Variants in ACTN2 observed in about 807,000 individuals in gnomAD.
The protein encoded by ACTN2 is actinin alpha 2.
Under a neutral mutation model 113.8 loss-of-function variants are expected in ACTN2, and 39 were observed. The observed-to-expected ratio is 0.34, with a 90% CI of 0.27 to 0.45. The LOEUF (loss-of-function observed/expected upper bound fraction) is 0.45, where lower values mean the gene tolerates loss of function less well. Ranked by LOEUF, ACTN2 falls within the 20% of genes least tolerant of loss-of-function variation. The probability of loss-of-function intolerance (pLI) is 1.00; values close to 1 mark genes in which losing one functional copy is unlikely to be tolerated. For missense variants in ACTN2, 992 were observed against 1,177.9 expected, an observed-to-expected ratio of 0.84 and a Z score of 2.31; for synonymous variants, 429 against 444.1, an observed-to-expected ratio of 0.97 and a Z score of 0.43.
Position 236,764,458 on chromosome 1 carries a change from G to A in ACTN2, c.*1839G>A, listed in dbSNP as rs1209813121. On this transcript the variant is annotated 3_prime_UTR_variant, in exon 21 of 21. Coordinates refer to ENST00000366578, the MANE Select transcript of ACTN2 (RefSeq NM_001103.4). Reference sequence around the variant, plus strand: ...AATTTCTTTACAACATTCAGCAAGAGAGGGGGTCAGTAGTCTCTATCTGCT... The same window carrying A: ...AATTTCTTTACAACATTCAGCAAGAAAGGGGGTCAGTAGTCTCTATCTGCT... 1 of 152,180 alleles carries A rather than the reference G, an allele frequency of 6.6e-6. No individual in the cohort carries two copies. Among genetic ancestry groups the A allele is most frequent in the Non-Finnish European group, 1.5e-5 (1 of 68,036 alleles). The allele number at this position is 152,180 out of a possible 1,614,324, so 9.4% of individuals were successfully genotyped here.
At chr1:236,691,506 G>A (rs980790371) in intron 1 of ACTN2, among the ~76,000 whole-genome samples, 2 of 151,670 alleles carry the variant, frequency 1.3e-5, no homozygotes, top group African/African-American at 2.4e-5. Context: ...TTAGCCAGGT[G>A]TGGTGGTGCA....
At chr1:236,690,460 T>C (rs1324844881) in intron 1 of ACTN2, among the ~76,000 whole-genome samples, 2 of 152,224 alleles carry the variant, frequency 1.3e-5, no homozygotes, top group Non-Finnish European at 2.9e-5. Context: ...AAGCTCTGCC[T>C]GGTACCCGAC....
chr1:236,708,092 G>A (rs948867592), intron 1 of ACTN2, among the ~76,000 whole-genome samples: 1 of 152,004 alleles, frequency 6.6e-6, no homozygotes, highest in Non-Finnish European at 1.5e-5. Context: ...AGCAGGTCAC[G>A]AAGCCAGGGT....
At chr1:236,739,704 T>C (rs560733351) in intron 10 of ACTN2, among the ~76,000 whole-genome samples, 172 bp downstream of exon 10, 4 of 152,362 alleles carry the variant, frequency 2.6e-5, no homozygotes, top group Non-Finnish European at 5.9e-5. Flanking sequence ...CCAACCATCA[T>C]GTACTTCTTG....
chr1:236,725,814 T>C, intron 4 of ACTN2, 119 bp from the exon 5 acceptor site: 2 of 860,400 alleles, frequency 2.3e-6, no homozygotes, highest in South Asian at 2.7e-5. Context: ...TTGCCGAGGC[T>C]GTAGGAAGAG....
chr1:236,698,569 T>C (rs2102867183), intron 1 of ACTN2, among the ~76,000 whole-genome samples: 1 of 152,326 alleles, frequency 6.6e-6, no homozygotes, highest in East Asian at 1.9e-4. Flanking sequence ...TCCATTCTGT[T>C]ATTGTAATTT....
chr1:236,734,158 G>A (rs1325776885), intron 7 of ACTN2, among the ~76,000 whole-genome samples: 4 of 152,282 alleles, frequency 2.6e-5, no homozygotes, highest in African/African-American at 4.8e-5. Context: ...AATTCTGTCC[G>A]TGGAGGTGCC....
rs771090064 is a variant in ACTN2 at position 236,717,984 on chromosome 1, A to G, written c.241+12A>G. On this transcript the variant is annotated intron_variant, in intron 2 of 20. Transcript: ENST00000366578. ...GGAAGTCATCTCAGGTTGGTGTTAT[A>G]TATCCCATCCTATGCTTTCATGTGT... The G allele has an allele frequency of 2.5e-6, 4 of 1,584,806 alleles. No individual in the cohort carries two copies. The African/African-American group carries it at 5.4e-5, about 21-fold the overall frequency.
chr1:236,746,884 C>T lies in ACTN2; in HGVS notation c.1407-783C>T, dbSNP rs745673830. 5.9e-5 allele frequency among the ~76,000 whole-genome samples: 9 copies of T among 152,124 alleles called. No homozygotes were observed. In the South Asian group the frequency reaches 1.0e-3, roughly 17 times the overall value. ...TGTCTCTAAGTGGAAGGGCTCAGTT[C>T]GGCCCCATTTCAGAAATCCCGCTAT... is the stretch of plus-strand genomic sequence containing the variant. On this transcript the variant is annotated intron_variant, in intron 12 of 20. Coordinates refer to ENST00000366578, the MANE Select transcript of ACTN2 (RefSeq NM_001103.4).
At chr1:236,742,383 G>A (rs1207935983) in intron 10 of ACTN2, among the ~76,000 whole-genome samples, 1 of 152,072 alleles carries the variant, frequency 6.6e-6, no homozygotes, top group Non-Finnish European at 1.5e-5. Flanking sequence ...CTGGCTGGCT[G>A]AACAATTCAC....
Position 236,755,087 on chromosome 1 carries a change from T to C in ACTN2, c.2043T>C (p.Tyr681=), listed in dbSNP as rs1572146443. 6.2e-7 allele frequency: 1 copy of C among 1,614,216 alleles called. No individual in the cohort carries two copies. The highest frequency in any genetic ancestry group is 8.5e-7 in the Non-Finnish European group (1 of 1,180,042). The change falls in exon 17 of 21, where the codon TAT becomes TAC. Residue 681 remains tyrosine, a synonymous_variant. Transcript: ENST00000366578. The part of the protein sequence containing the change: ...LEDQMNQLKQ[Y]EHNIINYKNN... ...ACCAGATGAACCAGCTGAAGCAGTA[T>C]GAGCACAACATCATCAACTATAAGA...
chr1:236,715,871 A>C (rs1658189474), intron 1 of ACTN2, among the ~76,000 whole-genome samples: 3 of 152,128 alleles, frequency 2.0e-5, no homozygotes, highest in Non-Finnish European at 2.9e-5. Context: ...CGGGAGAATC[A>C]CTTGAACTCG....
chr1:236,719,579 A>G (rs1167161451), intron 3 of ACTN2, among the ~76,000 whole-genome samples: 1 of 152,166 alleles, frequency 6.6e-6, no homozygotes, highest in East Asian at 1.9e-4. Flanking sequence ...ACCTGAGGTG[A>G]GGAGTTCAAG....
chr1:236,741,982 C>T (rs550124178), intron 10 of ACTN2, among the ~76,000 whole-genome samples: 5 of 152,170 alleles, frequency 3.3e-5, no homozygotes, highest in Non-Finnish European at 7.3e-5. Flanking sequence ...CCGTCCTTCC[C>T]GCACGCACAG....
intron 13 of ACTN2, among the ~76,000 whole-genome samples, chr1:236,748,653 T>C (rs1659305397): frequency 6.6e-6 from 1 of 152,212 alleles, no homozygotes; most frequent in Non-Finnish European, 1.5e-5. Context: ...TTTGAGAGCA[T>C]GAACCTGCAG....
At chr1:236,709,255 T>TATATACACAC (rs796606511) in intron 1 of ACTN2, among the ~76,000 whole-genome samples, 1,235 of 68,606 alleles carry the variant, frequency 0.018, 24 homozygotes, top group Non-Finnish European at 0.022. Flanking sequence ...TATATATATA[T>TATATACACAC]ACACACACAC....
At chr1:236,735,793 G>C (rs756785699) in intron 8 of ACTN2, 73 bp downstream of exon 8, 2 of 1,262,146 alleles carry the variant, frequency 1.6e-6, no homozygotes, top group Non-Finnish European at 2.3e-6. Context: ...ATACTTGAGT[G>C]TGTGTTTGTG....
Position 236,737,297 on chromosome 1 carries a change from G to GTATATATATA in ACTN2, c.876+83_876+84insTATATATATA. The stretch of plus-strand genomic sequence containing the variant: ...GAGGGTGAAAAAATACTCCGTGGGG[G>GTATATATATA]CATATATATATATATATATATTTTG... On this transcript the variant is annotated intron_variant, in intron 9 of 20. Coordinates refer to ENST00000366578, the MANE Select transcript of ACTN2 (RefSeq NM_001103.4). The GTATATATATA allele has an allele frequency of 5.1e-3, 1,652 of 321,960 alleles. 521 individuals are homozygous for GTATATATATA. The highest frequency in any genetic ancestry group is 6.7e-3 in the Non-Finnish European group (1,059 of 157,898). The allele number at this position is 321,960 out of a possible 1,614,324, so 19.9% of individuals were successfully genotyped here.
Position 236,743,055 on chromosome 1 carries a change from G to A in ACTN2, c.1255+12G>A. The A allele has an allele frequency of 1.9e-6, 3 of 1,614,016 alleles. No homozygotes were observed. The highest frequency in any genetic ancestry group is 1.1e-5 in the South Asian group (1 of 91,060). ...GACTTGGGCTTATGGTAAGTAGACA[G>A]GAGTCAGATTGGATTTTTGAAAAAC... On this transcript the variant is annotated intron_variant, in intron 11 of 20. Transcript: ENST00000366578.
Sources: allele counts gnomAD v4.1 joint callset (sites outside exome capture counted in the v4.1 genomes callset), GRCh38; gene constraint gnomAD v4.1.1; transcripts MANE v1.5; gene names NCBI Gene and HGNC (gene_info 2026-07-23, HGNC 2026-07-21).